Variants in COL25A1 observed in about 807,000 individuals in gnomAD.
The protein encoded by COL25A1 is collagen type XXV alpha 1 chain.
In COL25A1, 103 loss-of-function variants were observed where a neutral mutation model predicts 128.4. That is an observed-to-expected ratio of 0.80 (90% CI 0.68 to 0.94). The LOEUF is 0.94. Among genes scored for constraint, COL25A1 ranks in the 40% least tolerant of loss-of-function variants. The pLI, the probability that COL25A1 is intolerant of heterozygous loss-of-function variation, is 0.00. For missense variants in COL25A1, 745 were observed against 840.0 expected, an observed-to-expected ratio of 0.89 and a Z score of 1.40; for synonymous variants, 279 against 277.2, an observed-to-expected ratio of 1.01 and a Z score of -0.06.
At chr4:108,960,425 A>G (rs1215305404) in intron 8 of COL25A1, among the ~76,000 whole-genome samples, 2 of 152,132 alleles carry the variant, frequency 1.3e-5, no homozygotes, top group Non-Finnish European at 2.9e-5. Context: ...AAGACAAAAT[A>G]CAGTAATTTT....
At chr4:109,277,158 A>G (rs1377718461) in intron 3 of COL25A1, among the ~76,000 whole-genome samples, 1 of 152,190 alleles carries the variant, frequency 6.6e-6, no homozygotes, top group African/African-American at 2.4e-5. Context: ...CAATATTGTT[A>G]TTAATATTGC....
At chr4:108,893,825 T>C (rs1466215226) in intron 16 of COL25A1, among the ~76,000 whole-genome samples, 2 of 152,170 alleles carry the variant, frequency 1.3e-5, no homozygotes, top group East Asian at 3.9e-4. Context: ...GCAGGAAATG[T>C]TTAAAAAACA....
At chr4:108,894,377 A>T (rs965584762) in intron 16 of COL25A1, among the ~76,000 whole-genome samples, 1 of 152,208 alleles carries the variant, frequency 6.6e-6, no homozygotes, top group Non-Finnish European at 1.5e-5. Context: ...ACTTGAAAAA[A>T]ACTGCCCTCG....
intron 5 of COL25A1, among the ~76,000 whole-genome samples, chr4:109,018,277 T>A (rs959427677): frequency 6.6e-6 from 1 of 152,032 alleles, no homozygotes; most frequent in African/African-American, 2.4e-5. Flanking sequence ...CAGGCTGGAG[T>A]GTAATGGTGC....
At chr4:109,263,661 G>A (rs1273999725) in intron 3 of COL25A1, among the ~76,000 whole-genome samples, 1 of 152,176 alleles carries the variant, frequency 6.6e-6, no homozygotes, top group Non-Finnish European at 1.5e-5. Context: ...ACTGAACGTT[G>A]TTTAAAACAA....
In COL25A1 at chr4:108,819,787, A is replaced by G. The variant is rs563639375; in HGVS notation, c.1846-458T>C. Reference sequence around the variant, plus strand: ...CTGATCCCCTCACACAAACATCTGGAGACAGTTCCACAAGTCAGACATACC... The same window carrying G: ...CTGATCCCCTCACACAAACATCTGGGGACAGTTCCACAAGTCAGACATACC... On this transcript the variant is annotated intron_variant, in intron 35 of 37. Transcript: ENST00000399132. 1.9e-5 allele frequency: 22 copies of G among 1,167,860 alleles called. 1 individual carries two copies. In the South Asian group the frequency reaches 3.5e-4, roughly 18 times the overall value. 72.3% of individuals were successfully genotyped at this position (1,167,860 alleles called of 1,614,324 possible). A position where few individuals can be genotyped will look rare whatever the true frequency, so the allele number is the denominator to read the frequency against.
At chr4:109,227,298 TATTTACACA>T (rs1206479669) in intron 3 of COL25A1, among the ~76,000 whole-genome samples, 1 of 152,094 alleles carries the variant, frequency 6.6e-6, no homozygotes, top group Admixed American at 6.5e-5. Flanking sequence ...TCTCCAAAAT[TATTTACACA>T]ATTTACACCT....
At chr4:109,223,558 A>G (rs1778572961) in intron 3 of COL25A1, among the ~76,000 whole-genome samples, 1 of 152,148 alleles carries the variant, frequency 6.6e-6, no homozygotes, top group Admixed American at 6.5e-5. Context: ...TTCTGAAAGA[A>G]AGTGAGTGGG....
At chr4:108,881,090 A>G (rs71603006) in intron 19 of COL25A1, among the ~76,000 whole-genome samples, 2 of 152,184 alleles carry the variant, frequency 1.3e-5, no homozygotes, top group African/African-American at 2.4e-5. Context: ...AGGAATTCCA[A>G]ATGTCTTCCA....
chr4:109,128,028 T>G (rs1368647515), intron 3 of COL25A1, among the ~76,000 whole-genome samples: 5 of 152,092 alleles, frequency 3.3e-5, no homozygotes, highest in African/African-American at 1.2e-4. Context: ...AGGAAAACCT[T>G]GAGTTCCTTC....
chr4:108,990,554 T>A (rs1251816902), intron 6 of COL25A1, among the ~76,000 whole-genome samples: 1 of 151,990 alleles, frequency 6.6e-6, no homozygotes, highest in Admixed American at 6.6e-5. Flanking sequence ...GAATTATTTA[T>A]CCCAAAAAAT....
intron 3 of COL25A1, among the ~76,000 whole-genome samples, chr4:109,255,657 T>C (rs1243267778): frequency 1.3e-5 from 2 of 152,200 alleles, no homozygotes; most frequent in East Asian, 1.9e-4. Context: ...TTCCCTTTTC[T>C]AGTTTTCCCC....
At chr4:108,958,784 CAT>C (rs1337025107) in intron 8 of COL25A1, among the ~76,000 whole-genome samples, 2 of 151,930 alleles carry the variant, frequency 1.3e-5, no homozygotes, top group Admixed American at 6.6e-5. Flanking sequence ...TTGAAGATAA[CAT>C]AAATTCTGTT....
At chr4:108,857,777 G>C (rs192568580) in intron 24 of COL25A1, among the ~76,000 whole-genome samples, 1 of 152,096 alleles carries the variant, frequency 6.6e-6, no homozygotes, top group African/African-American at 2.4e-5. Context: ...TACGAATGAA[G>C]TATACTTATT....
At chr4:109,045,258 G>A (rs1367771275) in intron 5 of COL25A1, among the ~76,000 whole-genome samples, 1 of 152,076 alleles carries the variant, frequency 6.6e-6, no homozygotes, top group Non-Finnish European at 1.5e-5. Flanking sequence ...TGGTAGTAAC[G>A]TTTTTGGGGA....
At chr4:109,226,541 C>T (rs1252219219) in intron 3 of COL25A1, among the ~76,000 whole-genome samples, 1 of 151,972 alleles carries the variant, frequency 6.6e-6, no homozygotes, top group African/African-American at 2.4e-5. Flanking sequence ...CTCAGGTTTC[C>T]CCTCTTTGTT....
In COL25A1 at chr4:109,097,437, TA is replaced by T. The variant is rs35833171; in HGVS notation, c.368-47259del. ...CTGGGCAACATGGAGAAACCCTGTC[TA>T]AAAAAAAAAAAAAAAACCACAAAAA... On this transcript the variant is annotated intron_variant, in intron 3 of 37. Transcript: ENST00000399132. 3.2e-3 allele frequency among the ~76,000 whole-genome samples: 369 copies of T among 117,086 alleles called. 1 individual carries two copies. The highest frequency in any genetic ancestry group is 6.3e-3 in the African/African-American group (208 of 32,816). 76.8% of individuals were successfully genotyped at this position (117,086 alleles called of 152,430 possible).
rs182898427 is a variant in COL25A1 at position 109,172,983 on chromosome 4, C to G, written c.368-122804G>C. Among the ~76,000 whole-genome samples the G allele has an allele frequency of 5.3e-5, 8 of 152,292 alleles. No homozygotes were observed. In the East Asian group the frequency reaches 1.5e-3, roughly 29 times the overall value. ...TTAGGATTGATGACATTCTATCTAG[C>G]AGTTTGCAATGTAAAGAAGTTTGAT... On this transcript the variant is annotated intron_variant, in intron 3 of 37. Coordinates refer to ENST00000399132, the MANE Select transcript of COL25A1 (RefSeq NM_198721.4).
rs3079876 is a variant in COL25A1, at chr4:109,288,962, TACACACACAC to T, written c.367+11611_367+11620del. On this transcript the variant is annotated intron_variant, in intron 3 of 37. Coordinates refer to ENST00000399132, the MANE Select transcript of COL25A1 (RefSeq NM_198721.4). ...ACTACCAGGAATACTAAATTATATATACACACACACACACACACACACACACACACACACA... is the reference window on the plus strand; with the variant it reads ...ACTACCAGGAATACTAAATTATATATACACACACACACACACACACACACA... Among the ~76,000 whole-genome samples the T allele has an allele frequency of 4.1e-3, 547 of 133,600 alleles. 7 individuals are homozygous for T. The highest frequency in any genetic ancestry group is 3.1e-3 in the Non-Finnish European group (194 of 62,116). The allele number at this position is 133,600 out of a possible 152,430, so 87.6% of individuals were successfully genotyped here.
Sources: allele counts gnomAD v4.1 joint callset (sites outside exome capture counted in the v4.1 genomes callset), GRCh38; gene constraint gnomAD v4.1.1; transcripts MANE v1.5; gene names NCBI Gene and HGNC (gene_info 2026-07-23, HGNC 2026-07-21).